The following PPFIA1 variants were observed in gnomAD, a reference collection of about 807,000 sequenced individuals.
PPFIA1 encodes PPFI scaffold protein A1, also known as liprin-alpha-1.
PPFIA1 carries 25 observed loss-of-function variants against 149.9 expected under a neutral mutation model. The observed-to-expected ratio is 0.17, with a 90% CI of 0.12 to 0.23. The LOEUF (loss-of-function observed/expected upper bound fraction) is 0.23, where lower values mean the gene tolerates loss of function less well. Ranked by LOEUF, PPFIA1 falls within the 10% of genes least tolerant of loss-of-function variation. The pLI is 1.00. For synonymous variants in PPFIA1, 549 were observed against 552.8 expected (o/e 0.99, Z 0.10); for missense variants, 1,362 against 1,506.5 (o/e 0.90, Z 1.59).
intron 2 of PPFIA1, among the ~76,000 whole-genome samples, chr11:70,281,320 G>C (rs185015145): frequency 1.3e-5 from 2 of 152,306 alleles, no homozygotes; most frequent in East Asian, 3.9e-4. Context: ...GTGACCAGAG[G>C]CTGGGATTCA....
intron 7 of PPFIA1, among the ~76,000 whole-genome samples, chr11:70,328,739 T>A (rs1487106354): frequency 6.6e-6 from 1 of 152,164 alleles, no homozygotes; most frequent in Non-Finnish European, 1.5e-5. Context: ...CAGCATCTGT[T>A]ACTGATTGAC....
chr11:70,290,980 G>T (rs2051486792), intron 2 of PPFIA1, among the ~76,000 whole-genome samples: 2 of 152,164 alleles, frequency 1.3e-5, no homozygotes, highest in African/African-American at 4.8e-5. Flanking sequence ...CTGCCTACCA[G>T]GTTCAAATGG....
chr11:70,271,094 C>T (rs967965854), intron 1 of PPFIA1, 180 bp downstream of exon 1: 3 of 151,982 alleles, frequency 2.0e-5, no homozygotes, highest in African/African-American at 7.2e-5. Context: ...ACACCCGCGC[C>T]CCAAGGGACG....
intron 19 of PPFIA1, among the ~76,000 whole-genome samples, chr11:70,359,277 G>A (rs1591334265): frequency 6.6e-6 from 1 of 152,288 alleles, no homozygotes; most frequent in East Asian, 1.9e-4. Flanking sequence ...GCCTCTCAAA[G>A]TGTTGGGATT....
At position 70,344,987 on chromosome 11, in the gene PPFIA1, C is replaced by T. The variant is rs555430702; in HGVS notation, c.1931+1095C>T. On this transcript the variant is annotated intron_variant, in intron 15 of 27. Transcript: ENST00000253925. ...AAGACCCAACTGGGGCAGGAGGCCT[C>T]GGGGCCATCAGCCACCACTTGGAAC... Among the ~76,000 whole-genome samples the T allele has an allele frequency of 1.3e-3, 195 of 152,028 alleles. 1 individual carries two copies. The highest frequency in any genetic ancestry group is 4.5e-3 in the African/African-American group (185 of 41,462).
chr11:70,378,188 G>A lies in PPFIA1; in HGVS notation c.3543G>A (p.Gln1181=). 1 of 1,614,030 alleles carries A rather than the reference G, an allele frequency of 6.2e-7. No homozygotes were observed. Among genetic ancestry groups the A allele is most frequent in the South Asian group, 1.1e-5 (1 of 91,028 alleles). The change falls in exon 26 of 28, where the codon CAG becomes CAA. Residue 1181 remains glutamine (Q), a synonymous_variant. Transcript: ENST00000253925. ...SSPSMQPKKM[Q]MDGNVSGTQR... The stretch of plus-strand genomic sequence containing the variant: ...CCTCTATGCAGCCAAAGAAGATGCA[G>A]ATGGACGGTATGTGATGGGTCACAC...
chr11:70,318,885 C>T (rs1396357403), intron 2 of PPFIA1, among the ~76,000 whole-genome samples: 1 of 152,230 alleles, frequency 6.6e-6, no homozygotes, highest in Non-Finnish European at 1.5e-5. Flanking sequence ...GCCTCTTTTG[C>T]TGATGCCCCT....
intron 2 of PPFIA1, among the ~76,000 whole-genome samples, chr11:70,311,947 A>G (rs1298180415): frequency 6.8e-6 from 1 of 147,160 alleles, no homozygotes; most frequent in Non-Finnish European, 1.5e-5. Context: ...GGACTCAAGC[A>G]GTCCTCACAC....
chr11:70,334,893 C>T (rs1394181636), intron 10 of PPFIA1, among the ~76,000 whole-genome samples: 1 of 152,148 alleles, frequency 6.6e-6, no homozygotes, highest in Admixed American at 6.5e-5. Context: ...GGACAGGTGC[C>T]ACCTACTGAC....
At position 70,338,470 on chromosome 11, in the gene PPFIA1, T is replaced by G; in HGVS notation, c.1571+17T>G. The G allele has an allele frequency of 6.3e-7, 1 of 1,587,340 alleles. No homozygotes were observed. Among genetic ancestry groups the G allele is most frequent in the Non-Finnish European group, 8.6e-7 (1 of 1,156,660 alleles). ...TCATCATGGGTATGGTATTAACCAG[T>G]GAGCAGCCATATTGTCAGCACCTGT... On this transcript the variant is annotated intron_variant, in intron 13 of 27. Transcript: ENST00000253925.
At chr11:70,349,521 A>C (rs2055923955) in intron 16 of PPFIA1, among the ~76,000 whole-genome samples, 1 of 152,178 alleles carries the variant, frequency 6.6e-6, no homozygotes. Context: ...GTGTGTTGTC[A>C]ATGAAATATT....
At chr11:70,286,106 G>A (rs909207416) in intron 2 of PPFIA1, among the ~76,000 whole-genome samples, 1 of 152,130 alleles carries the variant, frequency 6.6e-6, no homozygotes, top group African/African-American at 2.4e-5. Context: ...ACTGTGCCTC[G>A]CAGGTGCCTT....
intron 21 of PPFIA1, among the ~76,000 whole-genome samples, chr11:70,370,829 A>C (rs1219270165): frequency 6.6e-6 from 1 of 152,130 alleles, no homozygotes; most frequent in Non-Finnish European, 1.5e-5. Flanking sequence ...AATTTTCTTT[A>C]AATTAAAAAT....
chr11:70,295,374 C>CG (rs1214346247), intron 2 of PPFIA1, among the ~76,000 whole-genome samples: 1 of 139,606 alleles, frequency 7.2e-6, no homozygotes, highest in East Asian at 2.3e-4. Flanking sequence ...GCTGGCCGGG[C>CG]GGGGGGCTGA....
chr11:70,294,138 C>T (rs1358871362), intron 2 of PPFIA1, among the ~76,000 whole-genome samples: 3 of 152,040 alleles, frequency 2.0e-5, no homozygotes, highest in Non-Finnish European at 4.4e-5. Context: ...CACAGGGTTT[C>T]GCCATGTTTC....
At chr11:70,329,951 G>A in intron 7 of PPFIA1, 1 of 455,148 alleles carries the variant, frequency 2.2e-6, no homozygotes, top group Non-Finnish European at 3.8e-6. Context: ...AAATATTTTT[G>A]TAGAGACAAG....
Position 70,362,553 on chromosome 11 carries a change from C to T in PPFIA1, c.2865+65C>T, listed in dbSNP as rs2056715430. The T allele has an allele frequency of 7.5e-6, 11 of 1,471,478 alleles. No individual in the cohort carries two copies. The East Asian group carries it at 2.5e-4, about 34-fold the overall frequency. The allele number at this position is 1,471,478 out of a possible 1,614,324, so 91.2% of individuals were successfully genotyped here. On this transcript the variant is annotated intron_variant, in intron 21 of 27. Coordinates refer to ENST00000253925, the MANE Select transcript of PPFIA1 (RefSeq NM_003626.5). ...GAATGCCTCTCTGAAGGTATCACTG[C>T]CCTGTTTACATTGCTTCTCCAGTTC... is the stretch of plus-strand genomic sequence containing the variant.
At chr11:70,340,002 A>C (rs2055216922) in intron 14 of PPFIA1, among the ~76,000 whole-genome samples, 1 of 151,928 alleles carries the variant, frequency 6.6e-6, no homozygotes, top group Admixed American at 6.6e-5. Context: ...ACAAGAGTGA[A>C]ACTCCATCTT....
At position 70,383,634 on chromosome 11, in the gene PPFIA1, AATAAG is replaced by A. The variant is rs1436156973; in HGVS notation, c.*647_*651del. 6.5e-6 allele frequency: 1 copy of A among 154,520 alleles called. No homozygotes were observed. The highest frequency in any genetic ancestry group is 1.4e-5 in the Non-Finnish European group (1 of 69,922). The allele number at this position is 154,520 out of a possible 1,614,324, so 9.6% of individuals were successfully genotyped here. A position where few individuals can be genotyped will look rare whatever the true frequency, so the allele number is the denominator to read the frequency against. ...TGGCTGGTGTTAAATATCAGCTCCT[AATAAG>A]ATGTGGACTGAAAACACTATCACAA... On this transcript the variant is annotated 3_prime_UTR_variant, in exon 28 of 28. Coordinates refer to ENST00000253925, the MANE Select transcript of PPFIA1 (RefSeq NM_003626.5).
Sources: allele counts gnomAD v4.1 joint callset (sites outside exome capture counted in the v4.1 genomes callset), GRCh38; gene constraint gnomAD v4.1.1; transcripts MANE v1.5; gene names NCBI Gene and HGNC (gene_info 2026-07-23, HGNC 2026-07-21).